SNX30: variants seen among roughly 807,000 people sequenced by gnomAD.
SNX30 encodes sorting nexin family member 30.
Under a neutral mutation model 46.4 loss-of-function variants are expected in SNX30, and 24 were observed. That is an observed-to-expected ratio of 0.52 (90% CI 0.37 to 0.73). The LOEUF is 0.73. SNX30 is among the 30% of genes least tolerant of loss of function. The probability of loss-of-function intolerance (pLI) is 0.00; values close to 1 mark genes in which losing one functional copy is unlikely to be tolerated. For synonymous variants in SNX30, 189 were observed against 211.5 expected (o/e 0.89, Z 0.92); for missense variants, 533 against 555.7 (o/e 0.96, Z 0.41).
chr9:112,851,064 T>G (rs1841016834), intron 7 of SNX30, 119 bp downstream of exon 7: 1 of 624,240 alleles, frequency 1.6e-6, no homozygotes, highest in Admixed American at 2.9e-5. Context: ...GCTACGTTGA[T>G]GATGTTGTCC....
chr9:112,765,854 A>G (rs1432768016), intron 1 of SNX30, among the ~76,000 whole-genome samples: 2 of 152,042 alleles, frequency 1.3e-5, no homozygotes, highest in Non-Finnish European at 2.9e-5. Flanking sequence ...CCCAGGCTGG[A>G]GTGCAGTGGC....
At chr9:112,763,543 G>T (rs1334968631) in intron 1 of SNX30, among the ~76,000 whole-genome samples, 1 of 150,432 alleles carries the variant, frequency 6.6e-6, no homozygotes, top group Non-Finnish European at 1.5e-5. Context: ...TTTTTTAAAA[G>T]AATTATTTGT....
Position 112,869,286 on chromosome 9 carries a change from C to A in SNX30, c.*443C>A. 1 of 203,792 alleles carries A rather than the reference C, an allele frequency of 4.9e-6. No homozygotes were observed. Among genetic ancestry groups the A allele is most frequent in the South Asian group, 9.3e-5 (1 of 10,764 alleles). 12.6% of individuals were successfully genotyped at this position (203,792 alleles called of 1,614,324 possible). A position where few individuals can be genotyped will look rare whatever the true frequency, so the allele number is the denominator to read the frequency against. ...CTGCTGCTTTCTGTGGAAACCTGGCCCCTCTGGAATTGGCCTCTGTGGGCA... is the reference window on the plus strand; with the variant it reads ...CTGCTGCTTTCTGTGGAAACCTGGCACCTCTGGAATTGGCCTCTGTGGGCA... On this transcript the variant is annotated 3_prime_UTR_variant, in exon 9 of 9. Coordinates refer to ENST00000374232, the MANE Select transcript of SNX30 (RefSeq NM_001012994.2).
At chr9:112,771,792 C>G (rs1325371077) in intron 1 of SNX30, among the ~76,000 whole-genome samples, 3 of 152,116 alleles carry the variant, frequency 2.0e-5, no homozygotes, top group African/African-American at 7.2e-5. Context: ...GCTCAAAACC[C>G]CAAAGAGATA....
intron 5 of SNX30, 107 bp from the exon 6 acceptor site, chr9:112,838,391 G>T: frequency 1.1e-6 from 1 of 916,902 alleles, no homozygotes; most frequent in Non-Finnish European, 1.7e-6. Flanking sequence ...AATGGCCAAA[G>T]AAACACATGT....
chr9:112,817,401 C>CTTTTTTTTTTTTTTTTTTTTTT lies in SNX30; in HGVS notation c.349-295_349-274dup, dbSNP rs56856142. On this transcript the variant is annotated intron_variant, in intron 2 of 8. Coordinates refer to ENST00000374232, the MANE Select transcript of SNX30 (RefSeq NM_001012994.2). ...CGGTAGGGAAAAAAAAAAAAACTGG[C>CTTTTTTTTTTTTTTTTTTTTTT]TTTTTTTTTTTTTTTTTTTTTTTTT... 1.3e-3 allele frequency among the ~76,000 whole-genome samples: 62 copies of CTTTTTTTTTTTTTTTTTTTTTT among 46,836 alleles called. 15 individuals are homozygous for CTTTTTTTTTTTTTTTTTTTTTT. The highest frequency in any genetic ancestry group is 6.5e-3 in the East Asian group (5 of 772). 30.7% of individuals were successfully genotyped at this position (46,836 alleles called of 152,430 possible).
At chr9:112,779,366 TC>T (rs374184349) in intron 1 of SNX30, among the ~76,000 whole-genome samples, 29 of 152,314 alleles carry the variant, frequency 1.9e-4, no homozygotes, top group African/African-American at 6.3e-4. Context: ...TCTCTTTTTT[TC>T]CTTCCCGGTC....
Position 112,785,088 on chromosome 9 carries a change from G to T in SNX30, c.157-19688G>T, listed in dbSNP as rs112907488. ...TGTGTTGGAAAACACCTATGTTTTG[G>T]TCTATAGAATAAATAGGGAGTGATT... On this transcript the variant is annotated intron_variant, in intron 1 of 8. Coordinates refer to ENST00000374232, the MANE Select transcript of SNX30 (RefSeq NM_001012994.2). 6.6e-5 allele frequency among the ~76,000 whole-genome samples: 10 copies of T among 152,296 alleles called. No individual in the cohort carries two copies. In the South Asian group the frequency reaches 1.5e-3, roughly 22 times the overall value.
chr9:112,826,072 T>C (rs1189278594), intron 3 of SNX30, among the ~76,000 whole-genome samples: 2 of 152,212 alleles, frequency 1.3e-5, no homozygotes, highest in Non-Finnish European at 2.9e-5. Context: ...GAATGTCATC[T>C]TTATGTTAAA....
intron 1 of SNX30, among the ~76,000 whole-genome samples, chr9:112,756,526 T>C (rs1839352702): frequency 7.0e-6 from 1 of 142,566 alleles, no homozygotes; most frequent in Non-Finnish European, 1.5e-5. Flanking sequence ...CTCACTGCGA[T>C]CTCAGCTCAC....
intron 1 of SNX30, among the ~76,000 whole-genome samples, chr9:112,771,222 G>A (rs1421790356): frequency 6.6e-6 from 1 of 152,116 alleles, no homozygotes; most frequent in African/African-American, 2.4e-5. Context: ...ACCTGGTATG[G>A]GTGGAGTATA....
intron 7 of SNX30, among the ~76,000 whole-genome samples, chr9:112,859,675 G>C (rs1034878759): frequency 2.0e-5 from 3 of 152,106 alleles, no homozygotes; most frequent in Non-Finnish European, 4.4e-5. Context: ...GCAGTGGCGT[G>C]ATCTTGGCTC....
At chr9:112,822,406 G>C (rs781769358) in intron 3 of SNX30, among the ~76,000 whole-genome samples, 20 of 151,964 alleles carry the variant, frequency 1.3e-4, no homozygotes, top group African/African-American at 3.9e-4. Context: ...TGGATATACA[G>C]AATAGCCTTG....
chr9:112,781,528 TC>T (rs1279088897), intron 1 of SNX30, among the ~76,000 whole-genome samples: 2 of 152,332 alleles, frequency 1.3e-5, no homozygotes, highest in South Asian at 2.1e-4. Flanking sequence ...TTCATCGAAA[TC>T]AGAAATTGGC....
intron 8 of SNX30, among the ~76,000 whole-genome samples, chr9:112,866,236 A>ACTGG (rs1165099408): frequency 6.6e-6 from 1 of 152,138 alleles, no homozygotes; most frequent in Non-Finnish European, 1.5e-5. Flanking sequence ...AGAACGGGAA[A>ACTGG]CTGGGGGAGA....
intron 1 of SNX30, among the ~76,000 whole-genome samples, chr9:112,782,948 G>A (rs528577682): frequency 8.5e-5 from 13 of 152,378 alleles, no homozygotes; most frequent in Admixed American, 3.9e-4. Context: ...AAGTGGAGCT[G>A]TGTGTTAATG....
chr9:112,855,413 G>A (rs901514663), intron 7 of SNX30, among the ~76,000 whole-genome samples: 9 of 152,136 alleles, frequency 5.9e-5, no homozygotes, highest in African/African-American at 1.2e-4. Context: ...GGCTTACCTC[G>A]TTATCAGGTG....
intron 2 of SNX30, among the ~76,000 whole-genome samples, chr9:112,806,593 A>G (rs1197769217): frequency 6.6e-6 from 1 of 152,176 alleles, no homozygotes; most frequent in Admixed American, 6.5e-5. Flanking sequence ...TTCTTTGGAA[A>G]GACAAGCAGG....
Position 112,829,518 on chromosome 9 carries a change from G to A in SNX30, c.460-1207G>A, listed in dbSNP as rs113998164. 5.4e-3 allele frequency among the ~76,000 whole-genome samples: 829 copies of A among 152,364 alleles called. 8 individuals are homozygous for A. Among genetic ancestry groups the A allele is most frequent in the African/African-American group, 0.019 (791 of 41,584 alleles). On this transcript the variant is annotated intron_variant, in intron 3 of 8. Coordinates refer to ENST00000374232, the MANE Select transcript of SNX30 (RefSeq NM_001012994.2). ...GCTGGTCTCGAACTCCTGAGTTGAG[G>A]CAATCCACCTGCCTTGGCCTCCCAA... is the stretch of plus-strand genomic sequence containing the variant.
Sources: gnomAD v4.1 joint callset for allele counts (sites outside exome capture counted in the v4.1 genomes callset) on GRCh38, gnomAD v4.1.1 for gene constraint, MANE v1.5 for transcripts, NCBI Gene and HGNC (gene_info 2026-07-23, HGNC 2026-07-21) for gene names.